The following SVIL variants were observed in gnomAD, a reference collection of about 807,000 sequenced individuals.
The protein encoded by SVIL is supervillin.
In SVIL, 101 loss-of-function variants were observed where a neutral mutation model predicts 240.4. That is an observed-to-expected ratio of 0.42 (90% confidence interval 0.36 to 0.50). The LOEUF is 0.50. SVIL is among the 20% of genes least tolerant of loss of function. SVIL has a pLI of 0.01. For missense variants in SVIL, 2,512 were observed against 2,818.7 expected, an observed-to-expected ratio of 0.89 and a Z score of 2.46; for synonymous variants, 999 against 1,100.0, an observed-to-expected ratio of 0.91 and a Z score of 1.82.
upstream of SVIL, among the ~76,000 whole-genome samples, chr10:29,638,032 T>A (rs916081831): frequency 3.9e-5 from 6 of 152,166 alleles, no homozygotes; most frequent in African/African-American, 1.4e-4. Flanking sequence ...ATTGACCACA[T>A]CAGTGTCAAT....
chr10:29,581,354 T>C (rs1418067473), intron 1 of SVIL, among the ~76,000 whole-genome samples: 2 of 152,200 alleles, frequency 1.3e-5, no homozygotes, highest in African/African-American at 4.8e-5. Flanking sequence ...TTCCTCATTT[T>C]AGTCTAATTC....
intron 2 of SVIL, among the ~76,000 whole-genome samples, chr10:29,667,864 A>G (rs1362658268): frequency 1.3e-5 from 2 of 152,064 alleles, no homozygotes; most frequent in African/African-American, 4.8e-5. Flanking sequence ...CTCAAAAAAA[A>G]AAAAAATAAG....
At chr10:29,520,239 T>C (rs2132520700) in intron 16 of SVIL, among the ~76,000 whole-genome samples, 1 of 152,362 alleles carries the variant, frequency 6.6e-6, no homozygotes, top group Admixed American at 6.5e-5. Flanking sequence ...TATTTTCTCA[T>C]GTGTAAAACA....
At chr10:29,509,379 G>A (rs984787529) in intron 17 of SVIL, among the ~76,000 whole-genome samples, 3 of 135,668 alleles carry the variant, frequency 2.2e-5, no homozygotes, top group African/African-American at 8.8e-5. Context: ...GAGAGAGAGA[G>A]AATACCCAAA....
Position 29,532,921 on chromosome 10 carries a change from C to T in SVIL, c.1446G>A (p.Val482=), listed in dbSNP as rs767184614. The T allele has an allele frequency of 2.5e-6, 4 of 1,614,098 alleles. No homozygotes were observed. In the Admixed American group the frequency reaches 5.0e-5, roughly 20 times the overall value. ...TCTGATGCTCTAAGGTGACTGTGCT[C>T]ACAGCAGGCTTACCAAAGTCCTCAT... ...SRNEDFGKPA[V]STVTLEHQKE... The change falls in exon 8 of 38, where the codon GTG becomes GTA. Residue 482 remains valine, a synonymous_variant. Transcript: ENST00000355867.
intron 2 of SVIL, among the ~76,000 whole-genome samples, chr10:29,684,832 T>C (rs1363852643): frequency 6.6e-6 from 1 of 152,240 alleles, no homozygotes; most frequent in Non-Finnish European, 1.5e-5. Context: ...TTGTTTTCAG[T>C]GCCTGCTATG....
Position 29,533,305 on chromosome 10 carries a change from G to T in SVIL, c.1062C>A (p.Ser354Arg), listed in dbSNP as rs747804050. Residue 354 changes from serine to arginine, a missense_variant, in exon 8 of 38, where the codon AGC becomes AGA. This residue lies in a region of SVIL where 1,443 missense variants were observed against 1,486.6 expected (regional missense o/e 0.97). Transcript: ENST00000355867. The stretch of plus-strand genomic sequence containing the variant: ...GCTGTCGTGTAGAGCCTGCTGCCTT[G>T]CTGGGGACCCTATCAAAGGCTGAGT... The part of the protein sequence containing the change: ...SEHSAFDRVP[S>R]KAAGSTRQPI... 1 of 1,614,054 alleles carries T rather than the reference G, an allele frequency of 6.2e-7. No homozygotes were observed. The highest frequency in any genetic ancestry group is 8.5e-7 in the Non-Finnish European group (1 of 1,179,998).
At chr10:29,692,288 G>A (rs1473113035) in intron 1 of SVIL, among the ~76,000 whole-genome samples, 8 of 152,260 alleles carry the variant, frequency 5.3e-5, no homozygotes, top group South Asian at 4.1e-4. Context: ...TGACAAAGCC[G>A]ATGAACTCTC....
At chr10:29,479,511 A>G (rs867831471) in intron 29 of SVIL, among the ~76,000 whole-genome samples, 1 of 152,080 alleles carries the variant, frequency 6.6e-6, no homozygotes, top group African/African-American at 2.4e-5. Flanking sequence ...ACACAGCCCC[A>G]CTGGCCGTGT....
chr10:29,664,614 A>C (rs1220576682), intron 2 of SVIL, among the ~76,000 whole-genome samples: 3 of 152,146 alleles, frequency 2.0e-5, no homozygotes, highest in Admixed American at 2.0e-4. Flanking sequence ...TAAATAAATA[A>C]AATGTCAAAT....
chr10:29,532,794 A>G lies in SVIL; in HGVS notation c.1573T>C (p.Ser525Pro), dbSNP rs145062434. The G allele has an allele frequency of 3.7e-6, 6 of 1,613,898 alleles. No homozygotes were observed. In the South Asian group the frequency reaches 4.4e-5, roughly 12 times the overall value. Residue 525 changes from serine (S) to proline (P), a missense_variant, in exon 8 of 38, where the codon TCC (serine) becomes CCC (proline). Coordinates refer to ENST00000355867, the MANE Select transcript of SVIL (RefSeq NM_021738.3). The stretch of plus-strand genomic sequence containing the variant: ...TGACCAGTTGGTTTGGCGTCTTGGG[A>G]CACAGGCTCACTTTGAATGTAGAGA... ...MVLYIQSEPV[S>P]QDAKPTGHNR...
intron 1 of SVIL, among the ~76,000 whole-genome samples, chr10:29,724,151 G>A (rs1473189176): frequency 1.4e-5 from 2 of 147,736 alleles, no homozygotes; most frequent in African/African-American, 5.0e-5. Flanking sequence ...CAATAAGCTT[G>A]CAGTTTCTTC....
At chr10:29,733,025 C>T (rs1226021056) in intron 1 of SVIL, among the ~76,000 whole-genome samples, 1 of 152,086 alleles carries the variant, frequency 6.6e-6, no homozygotes, top group African/African-American at 2.4e-5. Context: ...GCGACTGGAC[C>T]AAGTTTTCCA....
At chr10:29,679,183 C>T (rs1274625611) in intron 2 of SVIL, among the ~76,000 whole-genome samples, 1 of 152,134 alleles carries the variant, frequency 6.6e-6, no homozygotes, top group African/African-American at 2.4e-5. Context: ...CCAGCCTGGG[C>T]AACAGAGAGA....
At chr10:29,583,850 A>G in intron 1 of SVIL, among the ~76,000 whole-genome samples, 1 of 152,226 alleles carries the variant, frequency 6.6e-6, no homozygotes, top group Admixed American at 6.5e-5. Context: ...AAATGACTCA[A>G]GACACGTTTA....
At chr10:29,617,032 C>T (rs774789342) in intron 1 of SVIL, among the ~76,000 whole-genome samples, 15 of 152,122 alleles carry the variant, frequency 9.9e-5, no homozygotes, top group South Asian at 2.1e-4. Flanking sequence ...TGAAGTGCAA[C>T]TCTTAACACC....
Position 29,522,625 on chromosome 10 carries a change from G to T in SVIL, c.3174C>A (p.Phe1058Leu). 1 of 1,613,856 alleles carries T rather than the reference G, an allele frequency of 6.2e-7. No homozygotes were observed. The change falls in exon 16 of 38, where the codon TTC (phenylalanine) becomes TTA (leucine). Residue 1058 changes from phenylalanine (F) to leucine (L), a missense_variant. Phe to Leu is a conservative substitution (Grantham distance 22, BLOSUM62 0). Transcript: ENST00000355867. ...KRKFSLRAAE[F>L]GEPTSEQTGT... ...CCGTCTGCTCGGAAGTGGGCTCCCC[G>T]AACTCTGCCGCTGGGAAGGAAAAGA...
At position 29,486,133 on chromosome 10, in the gene SVIL, G is replaced by A. The variant is rs145177906; in HGVS notation, c.4731C>T (p.Asp1577=). Residue 1577 remains aspartate (D), a synonymous_variant, in exon 26 of 38, where the codon GAC becomes GAT. Transcript: ENST00000355867. ...RLMDDKLVPD[D]DYWGKIPKCS... is the part of the protein sequence containing the mutation. ...ACTTCGGAATTTTCCCCCAGTAGTC[G>A]TCATCAGGAACAAGTTTGTCATCCA... The A allele has an allele frequency of 1.9e-5, 31 of 1,614,194 alleles. No homozygotes were observed. The highest frequency in any genetic ancestry group is 7.7e-5 in the South Asian group (7 of 91,084).
chr10:29,718,057 G>A (rs1206920017), intron 1 of SVIL, among the ~76,000 whole-genome samples: 1 of 152,158 alleles, frequency 6.6e-6, no homozygotes, highest in Non-Finnish European at 1.5e-5. Flanking sequence ...GCCAGGCGCA[G>A]TGGCTCACAC....
Sources: gnomAD v4.1 joint callset for allele counts (sites outside exome capture counted in the v4.1 genomes callset) on GRCh38, gnomAD v4.1.1 for gene constraint, gnomAD v4.1.1 regional missense constraint, MANE v1.5 for transcripts, NCBI Gene and HGNC (gene_info 2026-07-23, HGNC 2026-07-21) for gene names.